POFUT3: variants seen among roughly 807,000 people sequenced by gnomAD.
POFUT3 encodes protein O-fucosyltransferase 3.
the POFUT3 span, among the ~76,000 whole-genome samples, chr8:33,449,575 C>T: frequency 2.0e-5 from 3 of 152,064 alleles, no homozygotes; most frequent in African/African-American, 4.8e-5. Context: ...CAGGCGTGAG[C>T]CGCCGCGTCT....
At chr8:33,390,141 C>T in the POFUT3 span, among the ~76,000 whole-genome samples, 1 of 152,104 alleles carries the variant, frequency 6.6e-6, no homozygotes, top group South Asian at 2.1e-4. Flanking sequence ...GATTGAGCCA[C>T]TGCACTCCAG....
At chr8:33,421,282 A>G in the POFUT3 span, among the ~76,000 whole-genome samples, 1 of 152,194 alleles carries the variant, frequency 6.6e-6, no homozygotes, top group African/African-American at 2.4e-5. Flanking sequence ...GTTCCATTGC[A>G]AGGTTTTGCT....
chr8:33,337,748 T>C, the POFUT3 span, among the ~76,000 whole-genome samples: 2 of 152,228 alleles, frequency 1.3e-5, no homozygotes, highest in African/African-American at 2.4e-5. Context: ...CATTGAATCA[T>C]GAAGAAACAG....
the POFUT3 span, among the ~76,000 whole-genome samples, chr8:33,359,712 ACTAT>A: frequency 1.3e-5 from 2 of 152,252 alleles, no homozygotes; most frequent in East Asian, 1.9e-4. Context: ...AAAATAAAAA[ACTAT>A]CTACCTCAGC....
chr8:33,376,659 T>C, the POFUT3 span, among the ~76,000 whole-genome samples: 2 of 152,066 alleles, frequency 1.3e-5, no homozygotes, highest in Admixed American at 1.3e-4. Flanking sequence ...AGAAGCAGAG[T>C]GCAAATTGAA....
the POFUT3 span, among the ~76,000 whole-genome samples, chr8:33,339,305 G>A: frequency 6.6e-6 from 1 of 152,130 alleles, no homozygotes; most frequent in Non-Finnish European, 1.5e-5. Flanking sequence ...AGCTCATTGA[G>A]TAGGCTAACT....
At chr8:33,398,234 A>G in the POFUT3 span, among the ~76,000 whole-genome samples, 43 of 152,308 alleles carry the variant, frequency 2.8e-4, no homozygotes, top group African/African-American at 9.6e-4. Flanking sequence ...TCAATTTTTA[A>G]TCATCAACAT....
At chr8:33,426,512 C>T in the POFUT3 span, among the ~76,000 whole-genome samples, 20 of 152,324 alleles carry the variant, frequency 1.3e-4, no homozygotes, top group African/African-American at 4.6e-4. Context: ...TCACCTAGTG[C>T]TCAGTGTTGC....
chr8:33,471,356 T>C, the POFUT3 span, among the ~76,000 whole-genome samples: 1 of 152,172 alleles, frequency 6.6e-6, no homozygotes, highest in African/African-American at 2.4e-5. Context: ...CAAGTGATTG[T>C]TCTGTCTCAG....
the POFUT3 span, among the ~76,000 whole-genome samples, chr8:33,432,005 G>T: frequency 6.6e-6 from 1 of 152,166 alleles, no homozygotes; most frequent in Non-Finnish European, 1.5e-5. Context: ...ACCTGGCACA[G>T]TGGCTTATGC....
the POFUT3 span, among the ~76,000 whole-genome samples, chr8:33,463,767 G>T: frequency 3.3e-5 from 5 of 152,144 alleles, no homozygotes; most frequent in Non-Finnish European, 1.5e-5. Context: ...GTCCAGGCTG[G>T]TCTTGGACTC....
the POFUT3 span, among the ~76,000 whole-genome samples, chr8:33,398,585 G>A: frequency 5.3e-5 from 8 of 152,054 alleles, no homozygotes; most frequent in East Asian, 1.9e-4. Flanking sequence ...CTCTTCCCAG[G>A]GAGAAGAGCA....
chr8:33,335,627 C>A, the POFUT3 span, among the ~76,000 whole-genome samples: 1 of 152,162 alleles, frequency 6.6e-6, no homozygotes, highest in Non-Finnish European at 1.5e-5. Flanking sequence ...CTGCCTATAA[C>A]TTTTGACTCC....
chr8:33,381,307 C>T, the POFUT3 span, among the ~76,000 whole-genome samples: 14 of 152,102 alleles, frequency 9.2e-5, no homozygotes, highest in Non-Finnish European at 1.5e-4. Flanking sequence ...TTTAGTCTTT[C>T]GTACTAAATC....
At chr8:33,352,728 A>G in the POFUT3 span, among the ~76,000 whole-genome samples, 1 of 152,232 alleles carries the variant, frequency 6.6e-6, no homozygotes, top group Non-Finnish European at 1.5e-5. Flanking sequence ...GGGAAAAGCC[A>G]CATGTCTCTC....
the POFUT3 span, among the ~76,000 whole-genome samples, chr8:33,374,200 C>T: frequency 3.8e-4 from 58 of 152,238 alleles, 1 homozygote; most frequent in Admixed American, 3.7e-3. Context: ...ACATCTAATC[C>T]CCCACCCACC....
chr8:33,355,448 A>T, the POFUT3 span, among the ~76,000 whole-genome samples: 1 of 151,412 alleles, frequency 6.6e-6, no homozygotes, highest in African/African-American at 2.4e-5. Flanking sequence ...TGTTCTGAAA[A>T]CTCCCTCACA....
chr8:33,389,383 G>A, the POFUT3 span: 22 of 1,614,102 alleles, frequency 1.4e-5, no homozygotes, highest in African/African-American at 1.5e-4. Flanking sequence ...AAAAGCCATC[G>A]GCATCCATAG....
At chr8:33,422,571 A>AC in the POFUT3 span, among the ~76,000 whole-genome samples, 1 of 149,526 alleles carries the variant, frequency 6.7e-6, no homozygotes, top group Non-Finnish European at 1.5e-5. Flanking sequence ...AAAAAAAAAA[A>AC]ACCACAGTTT....
Sources: allele counts gnomAD v4.1 joint callset (sites outside exome capture counted in the v4.1 genomes callset), GRCh38; gene constraint gnomAD v4.1.1; transcripts MANE v1.5; gene names NCBI Gene and HGNC (gene_info 2026-07-23, HGNC 2026-07-21).